LNP1: variants seen among roughly 807,000 people sequenced by gnomAD.
The protein encoded by LNP1 is leukemia NUP98 fusion partner 1.
Under a neutral mutation model 14.5 loss-of-function variants are expected in LNP1, and 12 were observed. That is an observed-to-expected ratio of 0.83 (90% CI 0.53 to 1.34). The LOEUF is 1.34. Among genes scored for constraint, LNP1 ranks in the 40% most tolerant of loss-of-function variants. The pLI is 0.00. For missense variants in LNP1, 198 were observed against 210.9 expected (o/e 0.94, Z 0.38); for synonymous variants, 75 against 71.4 (o/e 1.05, Z -0.26).
At position 100,406,201 on chromosome 3, in the gene LNP1, G is replaced by A. The variant is rs144758179; in HGVS notation, c.-34+3762G>A. ...CTCAGGAGGCTGAGGCAGGAGAATCGCTTGAACCCCAGAGGCGGAGGTTGC... is the reference window on the plus strand; with the variant it reads ...CTCAGGAGGCTGAGGCAGGAGAATCACTTGAACCCCAGAGGCGGAGGTTGC... On this transcript the variant is annotated intron_variant, in intron 1 of 3. Transcript: ENST00000383693. 4.8e-3 allele frequency among the ~76,000 whole-genome samples: 730 copies of A among 152,086 alleles called. 8 individuals are homozygous for A. The highest frequency in any genetic ancestry group is 0.016 in the African/African-American group (661 of 41,486).
intron 3 of LNP1, among the ~76,000 whole-genome samples, chr3:100,452,224 A>G (rs765884477): frequency 1.5e-5 from 2 of 129,596 alleles, no homozygotes; most frequent in Admixed American, 8.0e-5. Flanking sequence ...TTTTTTTGAG[A>G]TAGGGTCTTA....
chr3:100,415,173 C>G (rs916305540), intron 1 of LNP1, among the ~76,000 whole-genome samples: 1 of 152,056 alleles, frequency 6.6e-6, no homozygotes, highest in African/African-American at 2.4e-5. Flanking sequence ...TTTTAACTTA[C>G]AGAAAACATA....
At chr3:100,436,596 TC>T (rs1707296827) in intron 2 of LNP1, among the ~76,000 whole-genome samples, 1 of 152,126 alleles carries the variant, frequency 6.6e-6, no homozygotes, top group Admixed American at 6.5e-5. Context: ...TGCACAAAAT[TC>T]TAGAGTTTTT....
At chr3:100,440,054 C>T (rs879672868) in intron 2 of LNP1, among the ~76,000 whole-genome samples, 5 of 152,160 alleles carry the variant, frequency 3.3e-5, no homozygotes, top group Admixed American at 2.0e-4. Context: ...TCTTCTGAGG[C>T]CTTGCTTGTT....
At chr3:100,410,433 G>A (rs534088634) in intron 1 of LNP1, among the ~76,000 whole-genome samples, 1 of 152,164 alleles carries the variant, frequency 6.6e-6, no homozygotes, top group Non-Finnish European at 1.5e-5. Flanking sequence ...TGGCTGCATT[G>A]TGTCCTAGTG....
chr3:100,412,471 A>G (rs1488178493), intron 1 of LNP1, among the ~76,000 whole-genome samples: 1 of 152,206 alleles, frequency 6.6e-6, no homozygotes, highest in African/African-American at 2.4e-5. Flanking sequence ...TTTACTTAAA[A>G]AAATATTTAT....
At chr3:100,419,248 G>A (rs1233706390) in intron 1 of LNP1, among the ~76,000 whole-genome samples, 1 of 152,106 alleles carries the variant, frequency 6.6e-6, no homozygotes, top group Admixed American at 6.6e-5. Context: ...CAGCATTTTG[G>A]TCCTGTAGCT....
intron 3 of LNP1, 121 bp from the exon 4 acceptor site, chr3:100,455,656 A>AATAATT: frequency 2.3e-5 from 21 of 926,614 alleles, no homozygotes; most frequent in Non-Finnish European, 3.6e-5. Context: ...TATTTCTAGA[A>AATAATT]ACCAAGAGGT....
In LNP1 at chr3:100,403,794, G is replaced by A. The variant is rs572233343; in HGVS notation, c.-34+1355G>A. Among the ~76,000 whole-genome samples the A allele has an allele frequency of 1.2e-3, 184 of 152,262 alleles. 1 individual carries two copies. Among genetic ancestry groups the A allele is most frequent in the African/African-American group, 4.3e-3 (180 of 41,540 alleles). On this transcript the variant is annotated intron_variant, in intron 1 of 3. Transcript: ENST00000383693. ...CACTGAGTTGTGTGTGTGACCATGGGCAACTCTGCTTTCTTTATAATGTGA... is the reference window on the plus strand; with the variant it reads ...CACTGAGTTGTGTGTGTGACCATGGACAACTCTGCTTTCTTTATAATGTGA...
chr3:100,410,820 G>A (rs1162549411), intron 1 of LNP1, among the ~76,000 whole-genome samples: 1 of 152,220 alleles, frequency 6.6e-6, no homozygotes, highest in Non-Finnish European at 1.5e-5. Flanking sequence ...CAAGAAAAGG[G>A]AAGACTGACT....
chr3:100,417,964 A>G (rs2148900735), intron 1 of LNP1, among the ~76,000 whole-genome samples: 1 of 151,334 alleles, frequency 6.6e-6, no homozygotes, highest in East Asian at 1.9e-4. Flanking sequence ...CTTTTCTGAC[A>G]TGATTTTTTC....
chr3:100,420,661 GA>G (rs1169654969), intron 1 of LNP1, among the ~76,000 whole-genome samples: 6 of 151,990 alleles, frequency 3.9e-5, no homozygotes, highest in Admixed American at 3.9e-4. Flanking sequence ...GTTGAAATTT[GA>G]AAGTTTTTTA....
intron 3 of LNP1, among the ~76,000 whole-genome samples, chr3:100,453,020 G>C (rs1387369077): frequency 6.6e-6 from 1 of 152,180 alleles, no homozygotes. Context: ...TTGCACCTAA[G>C]TGTAATGACT....
chr3:100,422,330 C>T (rs978232559), intron 1 of LNP1, among the ~76,000 whole-genome samples: 14 of 151,876 alleles, frequency 9.2e-5, no homozygotes, highest in African/African-American at 3.4e-4. Flanking sequence ...ACTATAGGCA[C>T]CTGCCACCAA....
In LNP1 at chr3:100,451,826, C is replaced by T; in HGVS notation, c.264C>T (p.Tyr88=). 1.9e-6 allele frequency: 2 copies of T among 1,068,138 alleles called. No individual in the cohort carries two copies. The highest frequency in any genetic ancestry group is 1.2e-6 in the Non-Finnish European group (1 of 834,316). 66.2% of individuals were successfully genotyped at this position (1,068,138 alleles called of 1,614,324 possible). Residue 88 remains tyrosine, a synonymous_variant, in exon 3 of 4, where the codon TAC becomes TAT. Coordinates refer to ENST00000383693, the MANE Select transcript of LNP1 (RefSeq NM_001085451.2). ...GCCACGTACGGGATTACAGAAAATA[C>T]TCAGAGGATGGGTCATTCAAGGAGC... ...CRSHVRDYRK[Y]SEDGSFKEPL...
At chr3:100,423,355 GAAAT>G (rs1428687737) in intron 1 of LNP1, among the ~76,000 whole-genome samples, 2 of 152,136 alleles carry the variant, frequency 1.3e-5, no homozygotes, top group African/African-American at 2.4e-5. Flanking sequence ...CTGGGACAGT[GAAAT>G]AAATAAAGGG....
rs1388499822 is a variant in LNP1, at chr3:100,429,749, A to T, written c.20A>T (p.Asp7Val). The change falls in exon 2 of 4, where the codon GAT (aspartate) becomes GTT (valine). Residue 7 changes from aspartate to valine, a missense_variant. Coordinates refer to ENST00000383693, the MANE Select transcript of LNP1 (RefSeq NM_001085451.2). The part of the protein sequence containing the change: MEHKDD[D>V]DDDVSFAKWM... ...CTTTACATGGAGCACAAAGATGATG[A>T]TGATGATGATGTGTCTTTTGCCAAA... The T allele has an allele frequency of 1.2e-6, 2 of 1,613,760 alleles. No individual in the cohort carries two copies. The highest frequency in any genetic ancestry group is 2.7e-5 in the African/African-American group (2 of 74,862).
Position 100,442,387 on chromosome 3 carries a change from T to C in LNP1, c.157-9332T>C, listed in dbSNP as rs1229208764. Among the ~76,000 whole-genome samples, 10 of 152,196 alleles carry C rather than the reference T, an allele frequency of 6.6e-5. 1 individual carries two copies. The South Asian group carries it at 2.1e-3, about 32-fold the overall frequency. On this transcript the variant is annotated intron_variant, in intron 2 of 3. Transcript: ENST00000383693. ...GCACCTGTGACACAGCCTCAGGAGG[T>C]CCCAACAACAAGTGCCTAAGGTGGT...
intron 1 of LNP1, among the ~76,000 whole-genome samples, chr3:100,425,958 A>G (rs1365420199): frequency 6.6e-6 from 1 of 152,202 alleles, no homozygotes; most frequent in African/African-American, 2.4e-5. Context: ...TCAATCCATC[A>G]TTGCAAATTT....
Sources: gnomAD v4.1 joint callset for allele counts (sites outside exome capture counted in the v4.1 genomes callset) on GRCh38, gnomAD v4.1.1 for gene constraint, MANE v1.5 for transcripts, NCBI Gene and HGNC (gene_info 2026-07-23, HGNC 2026-07-21) for gene names.